The following TRPM6 variants were observed in gnomAD, a reference collection of about 807,000 sequenced individuals.
TRPM6 encodes the protein transient receptor potential cation channel subfamily M member 6, also known as channel kinase 2.
A neutral mutation model predicts 247.6 loss-of-function variants in TRPM6; 111 were observed. The ratio of observed to expected loss-of-function variants is 0.45; its 90% CI spans 0.38 to 0.52. The LOEUF is 0.52. TRPM6 is among the 20% of genes least tolerant of loss of function. TRPM6 has a pLI of 0.00. For synonymous variants in TRPM6, 892 were observed against 853.8 expected, an observed-to-expected ratio of 1.04 and a Z score of -0.78; for missense variants, 2,126 against 2,421.5, an observed-to-expected ratio of 0.88 and a Z score of 2.56.
intron 1 of TRPM6, among the ~76,000 whole-genome samples, chr9:74,875,009 C>T (rs1453979579): frequency 6.6e-6 from 1 of 151,800 alleles, no homozygotes; most frequent in Non-Finnish European, 1.5e-5. Flanking sequence ...AGGTGATCTG[C>T]CCACCTCAGC....
Position 74,729,723 on chromosome 9 carries a change from A to T in TRPM6, c.5829-1378T>A, listed in dbSNP as rs181333086. On this transcript the variant is annotated intron_variant, in intron 37 of 38. Coordinates refer to ENST00000360774, the MANE Select transcript of TRPM6 (RefSeq NM_017662.5). The stretch of plus-strand genomic sequence containing the variant: ...CGAAGCACTCAGCATTTAGACCAGG[A>T]TTCTACGATGCCAATAAAGTGAAAC... 1.8e-3 allele frequency among the ~76,000 whole-genome samples: 274 copies of T among 152,356 alleles called. 2 individuals carry two copies. The highest frequency in any genetic ancestry group is 6.8e-3 in the Middle Eastern group (2 of 294).
At chr9:74,770,816 C>A (rs1262125866) in intron 25 of TRPM6, among the ~76,000 whole-genome samples, 3 of 152,130 alleles carry the variant, frequency 2.0e-5, no homozygotes, top group Non-Finnish European at 4.4e-5. Context: ...TTTTCAGGAC[C>A]ATGCTGTTTT....
At chr9:74,870,947 GA>G (rs1370651096) in intron 1 of TRPM6, among the ~76,000 whole-genome samples, 3 of 151,260 alleles carry the variant, frequency 2.0e-5, no homozygotes, top group Non-Finnish European at 4.4e-5. Context: ...AAAAAGAAAA[GA>G]AAAGAAAAAG....
intron 20 of TRPM6, 48 bp from the exon 21 acceptor site, chr9:74,786,173 A>T (rs1339838131): frequency 4.4e-6 from 7 of 1,601,810 alleles, no homozygotes; most frequent in Non-Finnish European, 6.0e-6. Flanking sequence ...CAACCAAAGA[A>T]TCCCATCAAT....
intron 24 of TRPM6, among the ~76,000 whole-genome samples, chr9:74,773,152 A>G (rs1232880432): frequency 1.3e-5 from 2 of 152,156 alleles, no homozygotes; most frequent in Non-Finnish European, 2.9e-5. Flanking sequence ...CAACAACAAC[A>G]AAAACCCTAC....
intron 21 of TRPM6, among the ~76,000 whole-genome samples, chr9:74,783,240 A>G (rs977985685): frequency 1.3e-5 from 2 of 152,182 alleles, no homozygotes; most frequent in African/African-American, 2.4e-5. Flanking sequence ...CCTTATTCCC[A>G]GAATTGTCTT....
At chr9:74,885,669 A>T (rs918522387) in intron 1 of TRPM6, among the ~76,000 whole-genome samples, 3 of 152,222 alleles carry the variant, frequency 2.0e-5, no homozygotes, top group Non-Finnish European at 2.9e-5. Context: ...GGAATAACTG[A>T]GTTATAGGTA....
chr9:74,862,145 A>AT (rs1359501497), intron 1 of TRPM6, among the ~76,000 whole-genome samples: 1 of 151,236 alleles, frequency 6.6e-6, no homozygotes, highest in Non-Finnish European at 1.5e-5. Context: ...AATGTTTCAA[A>AT]TAATTCTCAA....
intron 23 of TRPM6, among the ~76,000 whole-genome samples, chr9:74,776,777 AATATG>A (rs1827239565): frequency 6.6e-6 from 1 of 152,340 alleles, no homozygotes; most frequent in East Asian, 1.9e-4. Context: ...TTAAGTATAT[AATATG>A]ATATAAGAGG....
intron 11 of TRPM6, among the ~76,000 whole-genome samples, chr9:74,812,782 T>G (rs569742324): frequency 6.6e-6 from 1 of 151,932 alleles, no homozygotes; most frequent in East Asian, 1.9e-4. Flanking sequence ...CCCAGCTAAT[T>G]GGGAGGCTGA....
rs1411659464 is a variant in TRPM6, at chr9:74,833,997, C to T, written c.669+1G>A. The T allele has an allele frequency of 1.9e-6, 3 of 1,613,986 alleles. No homozygotes were observed. The highest frequency in any genetic ancestry group is 2.5e-6 in the Non-Finnish European group (3 of 1,179,902). Reference sequence around the variant, plus strand: ...TTGTTATGAAAGGATTGTCTACTTACATCTTTTCCAATAAGGTCTCTCTGG... The same window carrying T: ...TTGTTATGAAAGGATTGTCTACTTATATCTTTTCCAATAAGGTCTCTCTGG... On this transcript the variant is annotated splice_donor_variant, in intron 6 of 38. Transcript: ENST00000360774. LOFTEE classifies it high-confidence loss of function.
chr9:74,821,956 C>G (rs1043471806), intron 7 of TRPM6, 119 bp from the exon 8 acceptor site: 1 of 1,157,728 alleles, frequency 8.6e-7, no homozygotes, highest in East Asian at 2.5e-5. Context: ...CTCACACTGG[C>G]CCCTCTCTCA....
chr9:74,825,913 C>T (rs928937582), intron 7 of TRPM6, among the ~76,000 whole-genome samples: 4 of 152,100 alleles, frequency 2.6e-5, no homozygotes, highest in African/African-American at 9.7e-5. Context: ...CTGCTGGTCT[C>T]CCTTCTCCCA....
Position 74,803,803 on chromosome 9 carries a change from G to A in TRPM6, c.1722C>T (p.Tyr574=). Residue 574 remains tyrosine (Y), a synonymous_variant, in exon 15 of 39, where the codon TAC becomes TAT. Transcript: ENST00000360774. ...HSQFIRTAQP[Y]KFKEKSIVLH... is the part of the protein sequence containing the mutation. ...AACAAGTAAATGGTACCTTGAATTT[G>A]TATGGCTGTGCAGTTCTAATGAACT... 6.2e-7 allele frequency: 1 copy of A among 1,609,322 alleles called. No homozygotes were observed. The highest frequency in any genetic ancestry group is 8.5e-7 in the Non-Finnish European group (1 of 1,175,602).
rs1468055459 is a variant in TRPM6, at chr9:74,762,155, A to G, written c.4516T>C (p.Ser1506Pro). Reference protein sequence around the residue: ...DSSLSDNSTRSAQSSECSEVG... With the variant: ...DSSLSDNSTRPAQSSECSEVG... ...TCTGAGCATTCACTACTCTGGGCCGATCTTGTTGAGTTATCAGATAGGGAG... is the reference window on the plus strand; with the variant it reads ...TCTGAGCATTCACTACTCTGGGCCGGTCTTGTTGAGTTATCAGATAGGGAG... Residue 1506 changes from serine (S) to proline (P), a missense_variant, in exon 26 of 39, where the codon TCG (serine) becomes CCG (proline). Transcript: ENST00000360774. 1 of 1,614,144 alleles carries G rather than the reference A, an allele frequency of 6.2e-7. No individual in the cohort carries two copies. Among genetic ancestry groups the G allele is most frequent in the South Asian group, 1.1e-5 (1 of 91,080 alleles).
At chr9:74,798,101 A>T (rs1227273335) in intron 17 of TRPM6, among the ~76,000 whole-genome samples, 1 of 152,190 alleles carries the variant, frequency 6.6e-6, no homozygotes, top group African/African-American at 2.4e-5. Flanking sequence ...AGAGTTTAAA[A>T]GATTTACTAA....
chr9:74,882,259 A>C (rs1231358846), intron 1 of TRPM6, among the ~76,000 whole-genome samples: 2 of 152,170 alleles, frequency 1.3e-5, no homozygotes, highest in Non-Finnish European at 2.9e-5. Flanking sequence ...CACAAATGAG[A>C]CCATGTTAAA....
intron 27 of TRPM6, among the ~76,000 whole-genome samples, chr9:74,758,839 ACTAT>A (rs1343386377): frequency 6.6e-6 from 1 of 152,160 alleles, no homozygotes; most frequent in African/African-American, 2.4e-5. Flanking sequence ...AAGAAGTAAA[ACTAT>A]CTATGTTTGT....
intron 31 of TRPM6, 159 bp from the exon 32 acceptor site, chr9:74,744,304 G>A (rs1179500464): frequency 1.2e-5 from 9 of 733,028 alleles, no homozygotes; most frequent in South Asian, 4.5e-5. Flanking sequence ...ACAGTATTGC[G>A]CATGGTATCC....
Sources: allele counts gnomAD v4.1 joint callset (sites outside exome capture counted in the v4.1 genomes callset), GRCh38; gene constraint gnomAD v4.1.1; transcripts MANE v1.5; gene names NCBI Gene and HGNC (gene_info 2026-07-23, HGNC 2026-07-21).